Variants in AGBL4 observed in about 807,000 individuals in gnomAD.
AGBL4 encodes the protein AGBL carboxypeptidase 4.
In AGBL4, 58 loss-of-function variants were observed where a neutral mutation model predicts 66.4. The ratio of observed to expected loss-of-function variants is 0.87; its 90% confidence interval spans 0.71 to 1.09. AGBL4 has a LOEUF of 1.09. Among genes scored for constraint, AGBL4 ranks in the 50% least tolerant of loss-of-function variants. The pLI, the probability that AGBL4 is intolerant of heterozygous loss-of-function variation, is 0.00. For synonymous variants in AGBL4, 234 were observed against 222.9 expected (o/e 1.05, Z -0.44); for missense variants, 579 against 631.0 (o/e 0.92, Z 0.88).
At chr1:48,954,677 T>A (rs1342248274) in intron 5 of AGBL4, among the ~76,000 whole-genome samples, 1 of 152,232 alleles carries the variant, frequency 6.6e-6, no homozygotes, top group African/African-American at 2.4e-5. Flanking sequence ...TAAACTTCTA[T>A]GAGTATGATG....
intron 3 of AGBL4, among the ~76,000 whole-genome samples, chr1:49,354,945 G>A (rs1227316308): frequency 6.6e-6 from 1 of 152,154 alleles, no homozygotes; most frequent in Admixed American, 6.5e-5. Context: ...ACCCTGGGCA[G>A]GACACCATTC....
chr1:49,133,867 T>A (rs968718090), intron 4 of AGBL4, among the ~76,000 whole-genome samples: 2 of 152,118 alleles, frequency 1.3e-5, no homozygotes, highest in Non-Finnish European at 2.9e-5. Context: ...CAAATAAGTA[T>A]GTATGTATAT....
chr1:48,828,205 A>G (rs1469097693), intron 6 of AGBL4, among the ~76,000 whole-genome samples: 5 of 151,896 alleles, frequency 3.3e-5, no homozygotes, highest in Admixed American at 6.6e-5. Flanking sequence ...AAAAAAGAAA[A>G]AAAGAAAATG....
chr1:49,046,540 GCAGT>G (rs924237242), intron 4 of AGBL4, among the ~76,000 whole-genome samples: 1 of 152,130 alleles, frequency 6.6e-6, no homozygotes, highest in Non-Finnish European at 1.5e-5. Flanking sequence ...CAAAAATGTT[GCAGT>G]CATAGTTTCC....
At chr1:49,141,352 C>T (rs773761685) in intron 4 of AGBL4, among the ~76,000 whole-genome samples, 2 of 151,976 alleles carry the variant, frequency 1.3e-5, no homozygotes, top group Non-Finnish European at 2.9e-5. Flanking sequence ...ACTTAATACC[C>T]CTATTCTATT....
intron 2 of AGBL4, among the ~76,000 whole-genome samples, chr1:49,769,008 C>G (rs1182515538): frequency 6.6e-6 from 1 of 152,128 alleles, no homozygotes; most frequent in Non-Finnish European, 1.5e-5. Flanking sequence ...GCCACCACAT[C>G]CAGCTAATCT....
chr1:48,958,052 G>A, intron 5 of AGBL4, among the ~76,000 whole-genome samples: 1 of 151,836 alleles, frequency 6.6e-6, no homozygotes, highest in East Asian at 1.9e-4. Flanking sequence ...TAGAGATGGG[G>A]TTTCACCGCG....
In AGBL4 at chr1:49,457,494, C is replaced by T. The variant is rs531489473; in HGVS notation, c.283-211630G>A. On this transcript the variant is annotated intron_variant, in intron 3 of 13. Transcript: ENST00000371839. Reference sequence around the variant, plus strand: ...TGGATGTACAGACTGTGAACATTTTCTCCCACTCTGTGAGTTGTCTGTTAA... The same window carrying T: ...TGGATGTACAGACTGTGAACATTTTTTCCCACTCTGTGAGTTGTCTGTTAA... Among the ~76,000 whole-genome samples the T allele has an allele frequency of 2.5e-4, 38 of 151,926 alleles. No homozygotes were observed. In the South Asian group the frequency reaches 5.8e-3, roughly 23 times the overall value.
chr1:48,808,905 G>T (rs1000566903), intron 6 of AGBL4, among the ~76,000 whole-genome samples: 2 of 152,202 alleles, frequency 1.3e-5, no homozygotes, highest in Non-Finnish European at 2.9e-5. Flanking sequence ...AGCACAGCAG[G>T]TGCTTAATAA....
intron 5 of AGBL4, among the ~76,000 whole-genome samples, chr1:48,983,871 G>A (rs995291416): frequency 2.6e-5 from 4 of 152,130 alleles, no homozygotes; most frequent in African/African-American, 9.7e-5. Context: ...AATCAAATTT[G>A]TTAACCATAT....
intron 4 of AGBL4, among the ~76,000 whole-genome samples, chr1:49,140,681 G>A (rs1021747548): frequency 1.3e-5 from 2 of 152,216 alleles, no homozygotes; most frequent in Admixed American, 6.5e-5. Flanking sequence ...TCAAGTTACA[G>A]GAGATAAGGA....
At chr1:48,947,070 T>C (rs1338920231) in intron 5 of AGBL4, among the ~76,000 whole-genome samples, 1 of 152,216 alleles carries the variant, frequency 6.6e-6, no homozygotes, top group African/African-American at 2.4e-5. Flanking sequence ...CAGAACATGC[T>C]TCTCTCTTTC....
At chr1:49,977,808 C>A (rs2148377330) in intron 1 of AGBL4, among the ~76,000 whole-genome samples, 1 of 152,258 alleles carries the variant, frequency 6.6e-6, no homozygotes, top group African/African-American at 2.4e-5. Context: ...CTTTTTTCTT[C>A]AAAGGTATTC....
chr1:49,284,426 A>T (rs1292179840), intron 3 of AGBL4, among the ~76,000 whole-genome samples: 1 of 152,192 alleles, frequency 6.6e-6, no homozygotes, highest in African/African-American at 2.4e-5. Context: ...TCATGCCAAA[A>T]TGTAAAGACC....
chr1:48,739,711 A>C (rs1002604525), intron 6 of AGBL4, among the ~76,000 whole-genome samples: 2 of 152,362 alleles, frequency 1.3e-5, no homozygotes, highest in South Asian at 2.1e-4. Flanking sequence ...AAAGATGTGT[A>C]AAGTGTCAGG....
Position 49,561,127 on chromosome 1 carries a change from A to T in AGBL4, c.282+136186T>A, listed in dbSNP as rs564217472. Among the ~76,000 whole-genome samples, 187 of 152,204 alleles carry T rather than the reference A, an allele frequency of 1.2e-3. 2 individuals carry two copies. Among genetic ancestry groups the T allele is most frequent in the Non-Finnish European group, 2.5e-4 (17 of 68,010 alleles). On this transcript the variant is annotated intron_variant, in intron 3 of 13. Transcript: ENST00000371839. The stretch of plus-strand genomic sequence containing the variant: ...AGCACAAAGATTGAATGATGAACCA[A>T]TTAAAAATAATAACTACAAAAACTT...
intron 6 of AGBL4, among the ~76,000 whole-genome samples, chr1:48,862,508 A>T (rs1647576861): frequency 6.6e-6 from 1 of 151,982 alleles, no homozygotes; most frequent in South Asian, 2.1e-4. Flanking sequence ...TTTTTAGTAG[A>T]GACAGGGCTT....
chr1:49,441,958 A>G (rs566555808), intron 3 of AGBL4, among the ~76,000 whole-genome samples: 2 of 152,164 alleles, frequency 1.3e-5, no homozygotes, highest in Non-Finnish European at 2.9e-5. Flanking sequence ...TGACCTGGCT[A>G]TGGCAACTGC....
chr1:48,592,773 G>C (rs889988757), intron 9 of AGBL4, among the ~76,000 whole-genome samples: 3 of 152,182 alleles, frequency 2.0e-5, no homozygotes, highest in Non-Finnish European at 4.4e-5. Context: ...CCTGCTCTGA[G>C]TGGGGAGGTT....
Sources: gnomAD v4.1 joint callset for allele counts (sites outside exome capture counted in the v4.1 genomes callset) on GRCh38, gnomAD v4.1.1 for gene constraint, MANE v1.5 for transcripts, NCBI Gene and HGNC (gene_info 2026-07-23, HGNC 2026-07-21) for gene names.